MYO6: variants seen among roughly 807,000 people sequenced by gnomAD.
The protein encoded by MYO6 is unconventional myosin-VI.
In MYO6, 74 loss-of-function variants were observed where a neutral mutation model predicts 178.7. The observed-to-expected ratio is 0.41, with a 90% CI of 0.34 to 0.50. The LOEUF (loss-of-function observed/expected upper bound fraction) is 0.50. Among genes scored for constraint, MYO6 ranks in the 20% least tolerant of loss-of-function variants. MYO6 has a pLI of 0.09. For synonymous variants in MYO6, 477 were observed against 504.6 expected (o/e 0.95, Z 0.73); for missense variants, 1,330 against 1,547.4 (o/e 0.86, Z 2.36).
chr6:75,785,746 A>C (rs1358019546), intron 1 of MYO6, among the ~76,000 whole-genome samples: 1 of 151,670 alleles, frequency 6.6e-6, no homozygotes. Context: ...ACCTATGTAT[A>C]ATTTTTGTAT....
chr6:75,880,306 A>G (rs1202220939), intron 22 of MYO6, among the ~76,000 whole-genome samples, 186 bp downstream of exon 22: 2 of 152,234 alleles, frequency 1.3e-5, no homozygotes, highest in African/African-American at 4.8e-5. Context: ...ATAATTATAT[A>G]TAATGTTCAT....
rs797009882 is a variant in MYO6 at position 75,918,765 on chromosome 6, G to C, written c.*3753G>C. ...CTGTCTCAGAAGTTTTTCAAGAGAT[G>C]ATCAGGAAAAATTAATGCACATTCA... On this transcript the variant is annotated 3_prime_UTR_variant, in exon 35 of 35. Coordinates refer to ENST00000369977, the MANE Select transcript of MYO6 (RefSeq NM_004999.4). 3.6e-4 allele frequency: 55 copies of C among 152,230 alleles called. No individual in the cohort carries two copies. Among genetic ancestry groups the C allele is most frequent in the African/African-American group, 1.3e-3 (55 of 41,460 alleles). 9.4% of individuals were successfully genotyped at this position (152,230 alleles called of 1,614,324 possible). A position where few individuals can be genotyped will look rare whatever the true frequency, so the allele number is the denominator to read the frequency against.
intron 29 of MYO6, among the ~76,000 whole-genome samples, chr6:75,896,300 A>G (rs182494613): frequency 1.3e-5 from 2 of 152,378 alleles, no homozygotes; most frequent in Admixed American, 1.3e-4. Flanking sequence ...CATTTATAAT[A>G]AAATGTTTAT....
chr6:75,820,900 A>G (rs751687659), intron 2 of MYO6, among the ~76,000 whole-genome samples: 2 of 152,064 alleles, frequency 1.3e-5, no homozygotes, highest in Non-Finnish European at 2.9e-5. Flanking sequence ...CTACTAGACT[A>G]TGTAATCTTC....
chr6:75,831,276 G>A, intron 5 of MYO6, among the ~76,000 whole-genome samples: 1 of 152,200 alleles, frequency 6.6e-6, no homozygotes, highest in East Asian at 1.9e-4. Flanking sequence ...AGTGCATCCT[G>A]TTTCTCTTTG....
intron 5 of MYO6, 48 bp from the exon 6 acceptor site, chr6:75,832,794 T>C (rs1237973780): frequency 2.6e-6 from 3 of 1,165,664 alleles, no homozygotes; most frequent in Non-Finnish European, 2.6e-6. Context: ...TATTATTAAC[T>C]TTATATTTAA....
chr6:75,837,820 C>G (rs1249460368), intron 7 of MYO6, among the ~76,000 whole-genome samples: 1 of 151,896 alleles, frequency 6.6e-6, no homozygotes, highest in East Asian at 1.9e-4. Context: ...AGTAAAGTGC[C>G]TTACTTTAGC....
intron 1 of MYO6, among the ~76,000 whole-genome samples, chr6:75,766,220 G>T (rs1002719479): frequency 1.3e-5 from 2 of 152,184 alleles, no homozygotes; most frequent in Admixed American, 6.5e-5. Flanking sequence ...CTACGTGGGA[G>T]GCTGAGGCAG....
chr6:75,788,055 C>T (rs150789385), intron 1 of MYO6, among the ~76,000 whole-genome samples: 46 of 151,820 alleles, frequency 3.0e-4, no homozygotes, highest in African/African-American at 1.0e-3. Context: ...CCACCATGCC[C>T]GGCCTATTCT....
intron 3 of MYO6, among the ~76,000 whole-genome samples, chr6:75,827,208 G>A (rs1373962891): frequency 1.3e-5 from 2 of 152,108 alleles, no homozygotes; most frequent in African/African-American, 4.8e-5. Flanking sequence ...GAACCATAAA[G>A]AAATTGCAAA....
At chr6:75,872,691 TC>T (rs1777247433) in intron 19 of MYO6, among the ~76,000 whole-genome samples, 1 of 152,222 alleles carries the variant, frequency 6.6e-6, no homozygotes, top group Admixed American at 6.5e-5. Context: ...GACATTCAAA[TC>T]TAAAATGTAG....
chr6:75,758,460 T>C (rs1232670003), intron 1 of MYO6, among the ~76,000 whole-genome samples: 1 of 151,964 alleles, frequency 6.6e-6, no homozygotes, highest in African/African-American at 2.4e-5. Context: ...GTTTCAGCTT[T>C]TTGTTTGTTT....
At chr6:75,898,011 C>G (rs1479077546) in intron 29 of MYO6, among the ~76,000 whole-genome samples, 4 of 152,282 alleles carry the variant, frequency 2.6e-5, no homozygotes, top group Non-Finnish European at 4.4e-5. Context: ...AACTCTGGTG[C>G]AAAAATCCTC....
At chr6:75,814,529 A>C (rs1771018656) in intron 1 of MYO6, among the ~76,000 whole-genome samples, 1 of 152,048 alleles carries the variant, frequency 6.6e-6, no homozygotes, top group Non-Finnish European at 1.5e-5. Context: ...TGTTTTGATT[A>C]CAAGTGTGAG....
chr6:75,866,472 AT>A, intron 16 of MYO6, 53 bp from the exon 17 acceptor site: 1 of 1,362,530 alleles, frequency 7.3e-7, no homozygotes, highest in Non-Finnish European at 1.0e-6. Flanking sequence ...GTAAAGAATG[AT>A]TATGTAATAT....
chr6:75,850,357 A>G (rs542745388), intron 11 of MYO6, among the ~76,000 whole-genome samples: 1 of 152,352 alleles, frequency 6.6e-6, no homozygotes, highest in Non-Finnish European at 1.5e-5. Flanking sequence ...TCTGTATATC[A>G]TAAATATAAT....
At chr6:75,799,226 C>T (rs1370724899) in intron 1 of MYO6, among the ~76,000 whole-genome samples, 1 of 152,082 alleles carries the variant, frequency 6.6e-6, no homozygotes, top group Non-Finnish European at 1.5e-5. Flanking sequence ...CCCATCTCTA[C>T]TAAAAATACA....
At position 75,915,534 on chromosome 6, in the gene MYO6, A is replaced by G. The variant is rs569819122; in HGVS notation, c.*522A>G. 2 of 167,030 alleles carry G rather than the reference A, an allele frequency of 1.2e-5. No homozygotes were observed. The highest frequency in any genetic ancestry group is 2.4e-5 in the African/African-American group (1 of 41,598). The allele number at this position is 167,030 out of a possible 1,614,324, so 10.3% of individuals were successfully genotyped here. On this transcript the variant is annotated 3_prime_UTR_variant, in exon 35 of 35. Coordinates refer to ENST00000369977, the MANE Select transcript of MYO6 (RefSeq NM_004999.4). ...AATTTCCATTAAAGGTGGAAAATCT[A>G]TTTTTTTCCTCCTTTGCAGTGTCTT...
chr6:75,907,814 GTGTA>G (rs1780454987), intron 31 of MYO6, 106 bp downstream of exon 31: 8 of 796,434 alleles, frequency 1.0e-5, no homozygotes, highest in Non-Finnish European at 1.5e-5. Flanking sequence ...GTGTGTGTGT[GTGTA>G]TGTGTGTATG....
Sources: allele counts gnomAD v4.1 joint callset (sites outside exome capture counted in the v4.1 genomes callset), GRCh38; gene constraint gnomAD v4.1.1; transcripts MANE v1.5; gene names NCBI Gene and HGNC (gene_info 2026-07-23, HGNC 2026-07-21).